The following TFEC variants were observed in gnomAD, a reference collection of about 807,000 sequenced individuals.
TFEC encodes the protein transcription factor EC.
In TFEC, 31 loss-of-function variants were observed where a neutral mutation model predicts 41.6. That is an observed-to-expected ratio of 0.74 (90% CI 0.56 to 1.01). The LOEUF is 1.01. Among genes scored for constraint, TFEC ranks in the 50% least tolerant of loss-of-function variants. The pLI, the probability that TFEC is intolerant of heterozygous loss-of-function variation, is 0.00. For synonymous variants in TFEC, 143 were observed against 140.6 expected (o/e 1.02, Z -0.12); for missense variants, 402 against 404.1 (o/e 0.99, Z 0.04).
At chr7:116,146,573 G>T (rs1263371978) in intron 1 of TFEC, among the ~76,000 whole-genome samples, 2 of 152,146 alleles carry the variant, frequency 1.3e-5, no homozygotes, top group Non-Finnish European at 2.9e-5. Flanking sequence ...AGATTAAAGT[G>T]ATCCAGGGTT....
At chr7:115,973,423 G>A (rs774163857) in intron 3 of TFEC, among the ~76,000 whole-genome samples, 2 of 151,870 alleles carry the variant, frequency 1.3e-5, no homozygotes, top group South Asian at 2.1e-4. Flanking sequence ...ATTCAATTGC[G>A]ATCTTTGAGA....
chr7:116,018,771 T>A lies in TFEC; in HGVS notation c.-73+11862A>T, dbSNP rs180748149. Among the ~76,000 whole-genome samples, 26 of 152,198 alleles carry A rather than the reference T, an allele frequency of 1.7e-4. 1 individual carries two copies. The highest frequency in any genetic ancestry group is 1.6e-3 in the Admixed American group (25 of 15,278). Reference sequence around the variant, plus strand: ...AGTGAAATGTACCAAATATACCAAATGGAATGGAAGATAATGGGCTAAAAC... The same window carrying A: ...AGTGAAATGTACCAAATATACCAAAAGGAATGGAAGATAATGGGCTAAAAC... On this transcript the variant is annotated intron_variant, in intron 1 of 7. Coordinates refer to ENST00000265440, the MANE Select transcript of TFEC (RefSeq NM_012252.4).
intron 1 of TFEC, among the ~76,000 whole-genome samples, chr7:116,145,899 T>C (rs1015701759): frequency 5.3e-5 from 8 of 152,210 alleles, no homozygotes; most frequent in Admixed American, 2.0e-4. Flanking sequence ...GTATGGTACA[T>C]AATTAAAAAT....
chr7:115,952,746 G>C (rs1290383814), intron 5 of TFEC, among the ~76,000 whole-genome samples: 1 of 152,124 alleles, frequency 6.6e-6, no homozygotes, highest in South Asian at 2.1e-4. Context: ...TGTCATGGTG[G>C]TTTCACTCTT....
chr7:116,072,695 A>G (rs961814644), intron 3 of TFEC, among the ~76,000 whole-genome samples: 1 of 151,766 alleles, frequency 6.6e-6, no homozygotes, highest in Non-Finnish European at 1.5e-5. Flanking sequence ...AAATTTTTTA[A>G]ATATCAACTT....
intron 1 of TFEC, among the ~76,000 whole-genome samples, chr7:116,132,617 A>G (rs1798354782): frequency 6.6e-6 from 1 of 152,244 alleles, no homozygotes; most frequent in Non-Finnish European, 1.5e-5. Context: ...GCCTTCATTC[A>G]TAAAAAGGCA....
intron 3 of TFEC, among the ~76,000 whole-genome samples, chr7:116,075,670 G>C (rs1007656562): frequency 6.6e-6 from 1 of 152,074 alleles, no homozygotes; most frequent in African/African-American, 2.4e-5. Flanking sequence ...ATAACCCCTA[G>C]GAACATAATT....
At chr7:116,035,597 T>TA (rs1562945702), upstream of TFEC, among the ~76,000 whole-genome samples, 1 of 151,956 alleles carries the variant, frequency 6.6e-6, no homozygotes, top group South Asian at 2.1e-4. Context: ...TTTTGAAAAT[T>TA]AAAAAAGTAA....
chr7:116,080,976 A>AGTGTATGTATGTGTGTGTGTGTGT (rs1424213374), intron 3 of TFEC, among the ~76,000 whole-genome samples: 1 of 137,946 alleles, frequency 7.2e-6, no homozygotes, highest in Admixed American at 7.3e-5. Flanking sequence ...AAGAAAATGT[A>AGTGTATGTATGTGTGTGTGTGTGT]GTGTGTGTGT....
chr7:116,008,317 T>C (rs766608790), intron 1 of TFEC, among the ~76,000 whole-genome samples: 1 of 152,154 alleles, frequency 6.6e-6, no homozygotes, highest in African/African-American at 2.4e-5. Context: ...TTCTAAGTAA[T>C]TACCTGGTGA....
chr7:116,028,355 C>T (rs1302969266), intron 1 of TFEC, among the ~76,000 whole-genome samples: 2 of 152,194 alleles, frequency 1.3e-5, no homozygotes, highest in Non-Finnish European at 2.9e-5. Context: ...AGCTGGCATT[C>T]ACAATTCTAT....
At chr7:116,145,207 C>T (rs1372427078) in intron 1 of TFEC, among the ~76,000 whole-genome samples, 1 of 152,112 alleles carries the variant, frequency 6.6e-6, no homozygotes, top group African/African-American at 2.4e-5. Flanking sequence ...TGAAAATTCA[C>T]CTGTCCTAAT....
At chr7:116,020,746 A>T (rs903058842) in intron 1 of TFEC, among the ~76,000 whole-genome samples, 6 of 152,152 alleles carry the variant, frequency 3.9e-5, no homozygotes, top group Non-Finnish European at 7.4e-5. Flanking sequence ...TGTAGCCCTA[A>T]AATCTATCTA....
chr7:116,100,084 C>T (rs1024282073), intron 3 of TFEC, among the ~76,000 whole-genome samples: 6 of 152,118 alleles, frequency 3.9e-5, no homozygotes, highest in Non-Finnish European at 7.4e-5. Context: ...GACTATAGCT[C>T]CAATTTCTGC....
At chr7:115,985,494 T>C (rs1292916255) in intron 1 of TFEC, among the ~76,000 whole-genome samples, 1 of 152,146 alleles carries the variant, frequency 6.6e-6, no homozygotes, top group Non-Finnish European at 1.5e-5. Context: ...ATAGTAAAGA[T>C]TGCTGTACAG....
intron 3 of TFEC, among the ~76,000 whole-genome samples, chr7:116,078,691 T>C (rs1404684522): frequency 1.3e-5 from 2 of 151,894 alleles, no homozygotes; most frequent in East Asian, 3.9e-4. Context: ...AATGGTAATT[T>C]TTAAAATTGC....
At chr7:115,990,608 T>A (rs1191150981) in intron 1 of TFEC, among the ~76,000 whole-genome samples, 7 of 152,096 alleles carry the variant, frequency 4.6e-5, no homozygotes. Flanking sequence ...GTAGCTGATT[T>A]GATCAAGTGG....
intron 2 of TFEC, 52 bp downstream of exon 2, chr7:115,984,210 A>C: frequency 6.3e-7 from 1 of 1,587,630 alleles, no homozygotes. Context: ...ACTTTAATAG[A>C]GGTTTTTTCA....
intron 1 of TFEC, among the ~76,000 whole-genome samples, chr7:116,149,586 T>C (rs1485414304): frequency 4.6e-5 from 7 of 152,164 alleles, no homozygotes; most frequent in African/African-American, 7.2e-5. Flanking sequence ...GAAAAGAAAT[T>C]GTATTCCTCA....
Sources: gnomAD v4.1 joint callset for allele counts (sites outside exome capture counted in the v4.1 genomes callset) on GRCh38, gnomAD v4.1.1 for gene constraint, MANE v1.5 for transcripts, NCBI Gene and HGNC (gene_info 2026-07-23, HGNC 2026-07-21) for gene names.